Variants in EYS observed in about 807,000 individuals in gnomAD.
The protein encoded by EYS is protein eyes shut homolog.
EYS carries 250 observed loss-of-function variants against 282.1 expected under a neutral mutation model. That is an observed-to-expected ratio of 0.89 (90% CI 0.80 to 0.98). The LOEUF (loss-of-function observed/expected upper bound fraction) is 0.98. Ranked by LOEUF, EYS falls within the 50% of genes least tolerant of loss-of-function variation. EYS has a pLI of 0.00. For missense variants in EYS, 4,016 were observed against 3,709.0 expected (o/e 1.08, Z -2.15); for synonymous variants, 1,355 against 1,282.9 (o/e 1.06, Z -1.20).
At chr6:63,725,365 A>G (rs1768575988) in intron 42 of EYS, among the ~76,000 whole-genome samples, 1 of 152,150 alleles carries the variant, frequency 6.6e-6, no homozygotes, top group South Asian at 2.1e-4. Flanking sequence ...AAACTGTAGT[A>G]CAATATTCCC....
Position 65,229,546 on chromosome 6 carries a change from GC to G in EYS, c.2023+66316del, listed in dbSNP as rs772482272. On this transcript the variant is annotated intron_variant, in intron 12 of 42. Transcript: ENST00000503581. Reference sequence around the variant, plus strand: ...AAAAAAAAAAGTGGCAGAATCCGGAGCCCTTTCGGGAAATTAGACAGAAAGA... The same window carrying G: ...AAAAAAAAAAGTGGCAGAATCCGGAGCCTTTCGGGAAATTAGACAGAAAGA... Among the ~76,000 whole-genome samples, 117 of 151,924 alleles carry G rather than the reference GC, an allele frequency of 7.7e-4. 2 individuals are homozygous for G. The highest frequency in any genetic ancestry group is 1.5e-3 in the Non-Finnish European group (100 of 67,828).
intron 33 of EYS, among the ~76,000 whole-genome samples, chr6:64,040,660 G>A (rs180857491): frequency 1.2e-3 from 188 of 152,266 alleles, no homozygotes; most frequent in Non-Finnish European, 2.3e-3. Flanking sequence ...GTCAAATACA[G>A]CACACTTAAA....
At chr6:64,676,316 C>CTATCTA (rs1554192066) in intron 22 of EYS, among the ~76,000 whole-genome samples, 14 of 119,054 alleles carry the variant, frequency 1.2e-4, no homozygotes, top group Non-Finnish European at 2.4e-4. Flanking sequence ...TCCAATATAT[C>CTATCTA]TATATATATA....
At chr6:64,194,041 G>A (rs115586098) in intron 31 of EYS, among the ~76,000 whole-genome samples, 1 of 151,944 alleles carries the variant, frequency 6.6e-6, no homozygotes, top group African/African-American at 2.4e-5. Context: ...GGGTCAAATG[G>A]TATGGTATTT....
At chr6:64,690,348 C>T (rs962045126) in intron 22 of EYS, among the ~76,000 whole-genome samples, 9 of 151,986 alleles carry the variant, frequency 5.9e-5, no homozygotes, top group Non-Finnish European at 8.8e-5. Context: ...GAGAGGATGT[C>T]GAGAAATTGG....
At chr6:65,480,028 G>T (rs1286787092) in intron 5 of EYS, among the ~76,000 whole-genome samples, 1 of 151,176 alleles carries the variant, frequency 6.6e-6, no homozygotes, top group Non-Finnish European at 1.5e-5. Context: ...GGCTGTGCAT[G>T]GTGGCACGTG....
intron 2 of EYS, among the ~76,000 whole-genome samples, chr6:65,625,757 G>A (rs992513041): frequency 7.2e-5 from 11 of 152,076 alleles, no homozygotes; most frequent in African/African-American, 2.7e-4. Flanking sequence ...TTTTATATTT[G>A]AAATTACAGT....
In EYS at chr6:64,737,186, G is replaced by C. The variant is rs1207441306; in HGVS notation, c.3443+76192C>G. Among the ~76,000 whole-genome samples, 3 of 152,152 alleles carry C rather than the reference G, an allele frequency of 2.0e-5. No homozygotes were observed. In the East Asian group the frequency reaches 5.8e-4, roughly 29 times the overall value. ...ATAATAATCCACTGTGATATAAAAA[G>C]TTTCTGGATGTGCATCTTTAAAAAT... On this transcript the variant is annotated intron_variant, in intron 22 of 42. Coordinates refer to ENST00000503581, the MANE Select transcript of EYS (RefSeq NM_001142800.2).
chr6:63,822,728 G>A (rs1043595939), intron 36 of EYS: 5 of 152,118 alleles, frequency 3.3e-5, no homozygotes, highest in Non-Finnish European at 7.4e-5. Context: ...TCTACTATGA[G>A]TATTGATTAT....
rs188137089 is a variant in EYS, at chr6:64,208,291, C to T, written c.6424+22301G>A. On this transcript the variant is annotated intron_variant, in intron 31 of 42. Transcript: ENST00000503581. ...CAATATTGGTTGTAATATTATGCAG[C>T]CTTTTAAAGCCATTTATGTATTTTT... Among the ~76,000 whole-genome samples the T allele has an allele frequency of 1.4e-3, 217 of 152,150 alleles. 2 individuals are homozygous for T. The highest frequency in any genetic ancestry group is 6.6e-4 in the Non-Finnish European group (45 of 67,998).
intron 2 of EYS, among the ~76,000 whole-genome samples, chr6:65,601,442 A>C (rs1013336970): frequency 4.6e-5 from 7 of 151,864 alleles, no homozygotes; most frequent in African/African-American, 1.4e-4. Context: ...TTTCCCCCAC[A>C]GAGATACCAG....
chr6:63,748,541 G>T (rs1421566567), intron 41 of EYS, among the ~76,000 whole-genome samples: 4 of 152,240 alleles, frequency 2.6e-5, no homozygotes, highest in Admixed American at 6.5e-5. Context: ...CAATTTTTTG[G>T]AATAGTTTTA....
Position 64,468,073 on chromosome 6 carries a change from C to T in EYS, c.5645-28721G>A, listed in dbSNP as rs538874427. On this transcript the variant is annotated intron_variant, in intron 26 of 42. Transcript: ENST00000503581. The stretch of plus-strand genomic sequence containing the variant: ...AGCAAGCTGTCTGGAGACCTGAGAA[C>T]CAGCCTGCCCAGACCCATCAATACC... Among the ~76,000 whole-genome samples, 88 of 152,246 alleles carry T rather than the reference C, an allele frequency of 5.8e-4. 3 individuals are homozygous for T. The South Asian group carries it at 0.018, about 31-fold the overall frequency.
chr6:64,284,582 G>A (rs144645573), intron 30 of EYS, among the ~76,000 whole-genome samples: 88 of 152,222 alleles, frequency 5.8e-4, no homozygotes, highest in Admixed American at 1.2e-3. Flanking sequence ...GACTCTGTGT[G>A]GGGGCTCCAA....
intron 5 of EYS, among the ~76,000 whole-genome samples, chr6:65,478,831 T>C (rs1466057653): frequency 6.6e-6 from 1 of 152,164 alleles, no homozygotes; most frequent in East Asian, 1.9e-4. Flanking sequence ...ACATTTGCTA[T>C]TCTGTGTTGG....
At chr6:65,403,059 A>T (rs1766579324) in intron 6 of EYS, among the ~76,000 whole-genome samples, 1 of 152,088 alleles carries the variant, frequency 6.6e-6, no homozygotes, top group African/African-American at 2.4e-5. Flanking sequence ...CAGACATATG[A>T]ATAAGAAAAC....
rs907479377 is a variant in EYS at position 64,945,989 on chromosome 6, C to G, written c.2260-75G>C. On this transcript the variant is annotated intron_variant, in intron 14 of 42. Coordinates refer to ENST00000503581, the MANE Select transcript of EYS (RefSeq NM_001142800.2). ...CCTATAATACAGATATTACTCCTGG[C>G]CATTTTGATATCTCTGTCAATTTAT... is the stretch of plus-strand genomic sequence containing the variant. 10 of 1,138,396 alleles carry G rather than the reference C, an allele frequency of 8.8e-6. No individual in the cohort carries two copies. In the East Asian group the frequency reaches 2.8e-4, roughly 32 times the overall value. The allele number at this position is 1,138,396 out of a possible 1,614,324, so 70.5% of individuals were successfully genotyped here.
intron 35 of EYS, among the ~76,000 whole-genome samples, chr6:63,875,699 G>T (rs1245968837): frequency 6.6e-6 from 1 of 152,146 alleles, no homozygotes; most frequent in African/African-American, 2.4e-5. Flanking sequence ...TTTAGTCTTG[G>T]GAGGGTGTAT....
chr6:63,967,095 T>C (rs117604298), intron 35 of EYS, among the ~76,000 whole-genome samples: 2,613 of 152,262 alleles, frequency 0.017, 65 homozygotes, highest in African/African-American at 0.053. Flanking sequence ...GTAAAATAAG[T>C]GTCACTTGAA....
Sources: allele counts gnomAD v4.1 joint callset (sites outside exome capture counted in the v4.1 genomes callset), GRCh38; gene constraint gnomAD v4.1.1; transcripts MANE v1.5; gene names NCBI Gene and HGNC (gene_info 2026-07-23, HGNC 2026-07-21).